AGTPBP1: variants seen among roughly 807,000 people sequenced by gnomAD.
The protein encoded by AGTPBP1 is ATP/GTP binding carboxypeptidase 1.
AGTPBP1 carries 70 observed loss-of-function variants against 143.9 expected under a neutral mutation model. The observed-to-expected ratio is 0.49, with a 90% confidence interval of 0.40 to 0.59. The LOEUF is 0.59. Ranked by LOEUF, AGTPBP1 falls within the 20% of genes least tolerant of loss-of-function variation. The probability of loss-of-function intolerance (pLI) is 0.00; values close to 1 mark genes in which losing one functional copy is unlikely to be tolerated. For missense variants in AGTPBP1, 1,229 were observed against 1,464.5 expected (o/e 0.84, Z 2.62); for synonymous variants, 463 against 500.2 (o/e 0.93, Z 0.99).
intron 25 of AGTPBP1, among the ~76,000 whole-genome samples, chr9:85,563,720 C>T (rs533589764): frequency 6.5e-4 from 99 of 152,274 alleles, no homozygotes; most frequent in Non-Finnish European, 1.2e-3. Flanking sequence ...TAAACAGAGC[C>T]AGGAGCTATT....
At chr9:85,786,010 A>T in the AGTPBP1 span, 1 of 952,960 alleles carries the variant, frequency 1.0e-6, no homozygotes, top group African/African-American at 1.7e-5. Context: ...ATATTGGGTG[A>T]TAATAATGTA....
At chr9:85,781,101 C>A in the AGTPBP1 span, 26 of 1,379,120 alleles carry the variant, frequency 1.9e-5, no homozygotes, top group Admixed American at 6.6e-5. Flanking sequence ...GCCTGGGCGA[C>A]AGTGCAAGAC....
chr9:85,701,873 T>A (rs1278724305), intron 2 of AGTPBP1, among the ~76,000 whole-genome samples: 1 of 152,240 alleles, frequency 6.6e-6, no homozygotes, highest in Non-Finnish European at 1.5e-5. Flanking sequence ...CTGCTTTCAT[T>A]ACCATAGTCA....
chr9:85,611,793 G>A (rs1391660659), intron 17 of AGTPBP1, among the ~76,000 whole-genome samples: 1 of 152,126 alleles, frequency 6.6e-6, no homozygotes, highest in Non-Finnish European at 1.5e-5. Context: ...CTATTCCCCT[G>A]CCTCAGCCTC....
the AGTPBP1 span, among the ~76,000 whole-genome samples, chr9:85,752,049 T>G: frequency 1.3e-5 from 2 of 151,456 alleles, no homozygotes; most frequent in Admixed American, 1.3e-4. Flanking sequence ...GCCAACATGG[T>G]AAAACCCTAT....
Position 85,589,680 on chromosome 9 carries a change from A to G in AGTPBP1, c.2570T>C (p.Met857Thr), listed in dbSNP as rs773092948. The G allele has an allele frequency of 3.2e-5, 51 of 1,602,354 alleles. No individual in the cohort carries two copies. Among genetic ancestry groups the G allele is most frequent in the Non-Finnish European group, 4.2e-5 (49 of 1,176,380 alleles). Residue 857 changes from methionine to threonine, a missense_variant and splice_region_variant, in exon 20 of 26, where the codon ATG becomes ACG. Physicochemically the swap from Met to Thr is moderately conservative, Grantham distance 81. Transcript: ENST00000357081. ...TGCTGATTCCAATTTTTGAAGATGC[A>G]TCTTGATAAAAATTTTAAAACAAAA... ...HYPYTYSTLQ[M>T]HLQKLESAHN... is the part of the protein sequence containing the mutation.
Position 85,609,075 on chromosome 9 carries a change from A to C in AGTPBP1, c.2335+9908T>G, listed in dbSNP as rs997939865. Among the ~76,000 whole-genome samples, 5 of 152,320 alleles carry C rather than the reference A, an allele frequency of 3.3e-5. No homozygotes were observed. In the East Asian group the frequency reaches 9.6e-4, roughly 29 times the overall value. ...ATAAAGCCTGTGTTATTTGCTCGAA[A>C]GTTAAGGTATAAGTATAATCTCATG... On this transcript the variant is annotated intron_variant, in intron 17 of 25. Transcript: ENST00000357081.
chr9:85,786,689 G>A, the AGTPBP1 span: 2 of 1,243,502 alleles, frequency 1.6e-6, 1 homozygote, highest in South Asian at 3.5e-5. Flanking sequence ...AAAGGAAGAA[G>A]GGGAGGAAGG....
intron 25 of AGTPBP1, among the ~76,000 whole-genome samples, chr9:85,565,391 T>C (rs1201117140): frequency 1.3e-5 from 2 of 152,118 alleles, no homozygotes; most frequent in Non-Finnish European, 2.9e-5. Flanking sequence ...AGCAAAATTC[T>C]GGCAGGGAAA....
chr9:85,772,139 C>A, the AGTPBP1 span, among the ~76,000 whole-genome samples: 4 of 151,202 alleles, frequency 2.6e-5, no homozygotes, highest in Non-Finnish European at 5.9e-5. Flanking sequence ...CCATGCCCAG[C>A]TCATTTTTGT....
At chr9:85,732,609 GA>G (rs1354978211) in intron 1 of AGTPBP1, among the ~76,000 whole-genome samples, 1 of 152,036 alleles carries the variant, frequency 6.6e-6, no homozygotes, top group Non-Finnish European at 1.5e-5. Flanking sequence ...ACAAAGAACA[GA>G]AATAAGTAAT....
rs1367363406 is a variant in AGTPBP1, at chr9:85,546,586, ATG to A, written c.*521_*522del. ...ATTTGTTTAATTTGGTAAATGTAGA[ATG>A]TAATGGTTTCAAGGCAAACCCTGGA... On this transcript the variant is annotated 3_prime_UTR_variant, in exon 26 of 26. Transcript: ENST00000357081. 4.6e-5 allele frequency: 7 copies of A among 152,276 alleles called. No homozygotes were observed. Among genetic ancestry groups the A allele is most frequent in the Admixed American group, 4.6e-4 (7 of 15,294 alleles). 9.4% of individuals were successfully genotyped at this position (152,276 alleles called of 1,614,324 possible). A position where few individuals can be genotyped will look rare whatever the true frequency, so the allele number is the denominator to read the frequency against.
chr9:85,736,434 T>C (rs1188938015), intron 1 of AGTPBP1, among the ~76,000 whole-genome samples: 1 of 152,220 alleles, frequency 6.6e-6, no homozygotes, highest in African/African-American at 2.4e-5. Context: ...TCTGTGCATT[T>C]GATATCCTCC....
chr9:85,778,744 C>T, the AGTPBP1 span, among the ~76,000 whole-genome samples: 1 of 152,026 alleles, frequency 6.6e-6, no homozygotes, highest in South Asian at 2.1e-4. Flanking sequence ...TCTCGACAGG[C>T]CCCACACCAC....
upstream of AGTPBP1, chr9:85,742,094 C>T (rs1588020038): frequency 5.6e-6 from 6 of 1,075,574 alleles, no homozygotes; most frequent in Non-Finnish European, 6.9e-6. Flanking sequence ...CTCTTCCCGC[C>T]GCGTCCCTTG....
At chr9:85,799,293 G>A in the AGTPBP1 span, among the ~76,000 whole-genome samples, 429 of 152,218 alleles carry the variant, frequency 2.8e-3, 15 homozygotes, top group East Asian at 0.071. Context: ...ATAAACATAC[G>A]TGTGTGTATG....
intron 2 of AGTPBP1, among the ~76,000 whole-genome samples, chr9:85,708,030 T>G (rs1215872897): frequency 6.6e-6 from 1 of 152,082 alleles, no homozygotes; most frequent in Non-Finnish European, 1.5e-5. Flanking sequence ...AACTGCACAT[T>G]CTGTACATGT....
intron 14 of AGTPBP1, among the ~76,000 whole-genome samples, chr9:85,629,104 A>G (rs972968314): frequency 6.6e-6 from 1 of 152,296 alleles, no homozygotes; most frequent in South Asian, 2.1e-4. Context: ...CAACATATCT[A>G]TGTTTAAAAC....
intron 17 of AGTPBP1, among the ~76,000 whole-genome samples, chr9:85,604,886 GAAGA>G (rs774368753): frequency 2.0e-5 from 3 of 152,176 alleles, no homozygotes; most frequent in African/African-American, 7.2e-5. Context: ...TGATCAAGTA[GAAGA>G]AAGAATTAGT....
Sources: gnomAD v4.1 joint callset for allele counts (sites outside exome capture counted in the v4.1 genomes callset) on GRCh38, gnomAD v4.1.1 for gene constraint, MANE v1.5 for transcripts, NCBI Gene and HGNC (gene_info 2026-07-23, HGNC 2026-07-21) for gene names.